ACYP2: variants seen among roughly 807,000 people sequenced by gnomAD.
ACYP2 encodes acylphosphatase-2.
In ACYP2, 12 loss-of-function variants were observed where a neutral mutation model predicts 11.2. The ratio of observed to expected loss-of-function variants is 1.08; its 90% CI spans 0.69 to 1.74. The LOEUF (loss-of-function observed/expected upper bound fraction) is 1.74. Ranked by LOEUF, ACYP2 falls within the 40% of genes most tolerant of loss-of-function variation. The pLI is 0.00. For missense variants in ACYP2, 134 were observed against 101.9 expected (o/e 1.31, Z -1.35); for synonymous variants, 43 against 32.2 (o/e 1.33, Z -1.13).
chr2:54,205,506 C>T (rs1572933784), intron 6 of ACYP2, among the ~76,000 whole-genome samples: 1 of 152,210 alleles, frequency 6.6e-6, no homozygotes, highest in Admixed American at 6.5e-5. Context: ...ATCTACCCTT[C>T]ACCTCTTTGA....
chr2:54,213,935 TTTTTTA>T (rs1193359166), intron 6 of ACYP2, among the ~76,000 whole-genome samples: 3 of 151,958 alleles, frequency 2.0e-5, no homozygotes, highest in African/African-American at 7.3e-5. Context: ...ACCTGGTTAT[TTTTTTA>T]TTTTTATTTT....
intron 6 of ACYP2, chr2:54,255,213 A>C (rs375897448): frequency 1.2e-6 from 2 of 1,614,078 alleles, no homozygotes; most frequent in African/African-American, 2.7e-5. Context: ...ATCTGACCTC[A>C]TACACCTTTA....
intron 6 of ACYP2, among the ~76,000 whole-genome samples, chr2:54,153,760 C>T (rs1037586631): frequency 4.0e-5 from 6 of 151,712 alleles, no homozygotes; most frequent in South Asian, 2.1e-4. Flanking sequence ...CCACCACACC[C>T]GGCTAATTTT....
intron 4 of ACYP2, among the ~76,000 whole-genome samples, chr2:54,101,803 G>GA (rs1678910488): frequency 6.6e-6 from 1 of 151,966 alleles, no homozygotes; most frequent in South Asian, 2.1e-4. Context: ...TAGCTTAACG[G>GA]AAAAATGAAG....
In ACYP2 at chr2:54,304,882, G is replaced by T; in HGVS notation, c.*80G>T. ...TATGTATACTAGAATAATAGTAGCAGAGTAGGGTGAAAAGGAACTTTCTGT... is the reference window on the plus strand; with the variant it reads ...TATGTATACTAGAATAATAGTAGCATAGTAGGGTGAAAAGGAACTTTCTGT... On this transcript the variant is annotated 3_prime_UTR_variant, in exon 7 of 7. Coordinates refer to ENST00000607452, the MANE Select transcript of ACYP2 (RefSeq NM_001320586.2). 1.4e-6 allele frequency: 1 copy of T among 691,340 alleles called. No homozygotes were observed. Among genetic ancestry groups the T allele is most frequent in the African/African-American group, 1.8e-5 (1 of 55,100 alleles). The allele number at this position is 691,340 out of a possible 1,614,324, so 42.8% of individuals were successfully genotyped here.
intron 6 of ACYP2, among the ~76,000 whole-genome samples, chr2:54,248,499 T>C (rs1202356267): frequency 6.6e-6 from 1 of 152,128 alleles, no homozygotes; most frequent in Non-Finnish European, 1.5e-5. Flanking sequence ...AAGAAACTTA[T>C]GGTCTAGTAT....
chr2:54,177,117 G>A (rs1683495249), intron 6 of ACYP2, among the ~76,000 whole-genome samples: 1 of 152,112 alleles, frequency 6.6e-6, no homozygotes, highest in South Asian at 2.1e-4. Context: ...GTCTCCATTT[G>A]CCTTTCCAGA....
chr2:54,141,909 C>T (rs1681624473), intron 6 of ACYP2: 1 of 627,252 alleles, frequency 1.6e-6, no homozygotes, highest in Admixed American at 2.2e-5. Context: ...CTGATCTAGA[C>T]TCACTGCAGC....
rs561099350 is a variant in ACYP2 at position 54,111,277 on chromosome 2, T to G, written c.278-24176T>G. 2.0e-5 allele frequency among the ~76,000 whole-genome samples: 3 copies of G among 152,232 alleles called. No individual in the cohort carries two copies. The South Asian group carries it at 6.2e-4, about 32-fold the overall frequency. ...CAAAATAAGTAGTCAGCTTTGAATA[T>G]TCACCATTCCCAGAGAGCCTAAATG... On this transcript the variant is annotated intron_variant, in intron 4 of 6. Coordinates refer to ENST00000607452, the MANE Select transcript of ACYP2 (RefSeq NM_001320586.2).
At chr2:54,023,233 A>G (rs1348449629) in intron 2 of ACYP2, among the ~76,000 whole-genome samples, 1 of 152,054 alleles carries the variant, frequency 6.6e-6, no homozygotes, top group East Asian at 1.9e-4. Context: ...GTGGGTTGTG[A>G]CCATATATTT....
intron 4 of ACYP2, among the ~76,000 whole-genome samples, chr2:54,127,018 A>G (rs1680554881): frequency 6.6e-6 from 1 of 151,428 alleles, no homozygotes; most frequent in Non-Finnish European, 1.5e-5. Flanking sequence ...AGGCAGTTGC[A>G]TGGAGGTAGT....
intron 2 of ACYP2, among the ~76,000 whole-genome samples, chr2:54,001,337 C>T (rs549233157): frequency 3.6e-4 from 55 of 152,178 alleles, no homozygotes; most frequent in African/African-American, 1.2e-3. Flanking sequence ...AGCCGCTGCA[C>T]CCCAGCCTGA....
At chr2:54,284,636 C>G (rs1027360248) in intron 6 of ACYP2, among the ~76,000 whole-genome samples, 4 of 152,032 alleles carry the variant, frequency 2.6e-5, no homozygotes, top group African/African-American at 7.2e-5. Context: ...GCTCTTGTAT[C>G]TACAATTGTT....
chr2:54,210,240 AG>A (rs1685278239), intron 6 of ACYP2, among the ~76,000 whole-genome samples: 6 of 152,034 alleles, frequency 3.9e-5, no homozygotes, highest in Non-Finnish European at 7.4e-5. Context: ...ATCATAAAGC[AG>A]AGTTCCCCAA....
intron 6 of ACYP2, among the ~76,000 whole-genome samples, chr2:54,263,498 C>T (rs1214982948): frequency 6.6e-6 from 1 of 152,178 alleles, no homozygotes; most frequent in African/African-American, 2.4e-5. Flanking sequence ...GTGCTGCATA[C>T]CTGTAGTCCT....
intron 2 of ACYP2, among the ~76,000 whole-genome samples, chr2:53,981,030 G>T (rs749929728): frequency 1.3e-5 from 2 of 152,138 alleles, no homozygotes; most frequent in African/African-American, 4.8e-5. Context: ...TGGATTACAG[G>T]TGTGAGCCAC....
At chr2:54,145,070 T>A (rs1296180925) in intron 6 of ACYP2, among the ~76,000 whole-genome samples, 1 of 152,156 alleles carries the variant, frequency 6.6e-6, no homozygotes, top group Non-Finnish European at 1.5e-5. Flanking sequence ...TTCTGGATAG[T>A]TTGTAATTTC....
intron 6 of ACYP2, among the ~76,000 whole-genome samples, chr2:54,273,142 G>T (rs17268381): frequency 1.3e-5 from 2 of 152,314 alleles, no homozygotes; most frequent in South Asian, 4.1e-4. Context: ...AAAACTGACT[G>T]TTCAAATTTA....
chr2:53,979,851 G>T (rs1467150035), intron 2 of ACYP2, among the ~76,000 whole-genome samples: 2 of 151,560 alleles, frequency 1.3e-5, no homozygotes, highest in Non-Finnish European at 2.9e-5. Flanking sequence ...GTGCCACCCT[G>T]CCTGGCTGTT....
Sources: gnomAD v4.1 joint callset for allele counts (sites outside exome capture counted in the v4.1 genomes callset) on GRCh38, gnomAD v4.1.1 for gene constraint, MANE v1.5 for transcripts, NCBI Gene and HGNC (gene_info 2026-07-23, HGNC 2026-07-21) for gene names.